KLHL29: variants seen among roughly 807,000 people sequenced by gnomAD.
The protein encoded by KLHL29 is kelch like family member 29.
A neutral mutation model predicts 80.4 loss-of-function variants in KLHL29; 21 were observed. That is an observed-to-expected ratio of 0.26 (90% CI 0.19 to 0.38). KLHL29 has a LOEUF of 0.38. Among genes scored for constraint, KLHL29 ranks in the 10% least tolerant of loss-of-function variants. The pLI is 1.00. For synonymous variants in KLHL29, 511 were observed against 526.8 expected (o/e 0.97, Z 0.41); for missense variants, 867 against 1,223.9 (o/e 0.71, Z 4.35).
intron 2 of KLHL29, among the ~76,000 whole-genome samples, chr2:23,504,586 G>C (rs151300793): frequency 0.014 from 2,115 of 152,352 alleles, 56 homozygotes; most frequent in African/African-American, 0.048. Context: ...CAGGGAAAGA[G>C]GCCCAGCCTT....
Position 23,669,436 on chromosome 2 carries a change from C to G in KLHL29, c.941-14963C>G, listed in dbSNP as rs1248286194. The G allele has an allele frequency of 6.6e-6, 1 of 152,406 alleles. No homozygotes were observed. The allele number at this position is 152,406 out of a possible 1,614,324, so 9.4% of individuals were successfully genotyped here. A position where few individuals can be genotyped will look rare whatever the true frequency, so the allele number is the denominator to read the frequency against. On this transcript the variant is annotated intron_variant, in intron 5 of 13. Coordinates refer to ENST00000486442, the MANE Select transcript of KLHL29 (RefSeq NM_052920.2). This position sits in a 1 kb window ranked among gnomAD's most constrained non-coding sequence, Gnocchi z 4.3. ...CCTCCTCTTCCAGGCTCCCACGCAG[C>G]CTCCGTTTCCCTTCCACACAGTCCT...
chr2:23,577,098 G>A (rs1158441838), intron 3 of KLHL29, among the ~76,000 whole-genome samples: 2 of 152,164 alleles, frequency 1.3e-5, no homozygotes, highest in African/African-American at 2.4e-5. Flanking sequence ...CTTCACAGGC[G>A]GCCCCACTGC....
Position 23,457,196 on chromosome 2 carries a change from G to A in KLHL29, c.-153-18364G>A, listed in dbSNP as rs1476520188. ...TCCGTGCCCTGAGTGAGCGCAGGGT[G>A]CAGAGTAACCCTCACATGCACAGTG... is the stretch of plus-strand genomic sequence containing the variant. On this transcript the variant is annotated intron_variant, in intron 1 of 13. Coordinates refer to ENST00000486442, the MANE Select transcript of KLHL29 (RefSeq NM_052920.2). The surrounding 1 kb of genome is among the most constrained non-coding windows in gnomAD (Gnocchi z 4.3). Among the ~76,000 whole-genome samples the A allele has an allele frequency of 1.3e-5, 2 of 152,214 alleles. No homozygotes were observed. The highest frequency in any genetic ancestry group is 4.8e-5 in the African/African-American group (2 of 41,450).
intron 3 of KLHL29, among the ~76,000 whole-genome samples, chr2:23,563,001 C>A (rs1332849965): frequency 6.6e-6 from 1 of 152,190 alleles, no homozygotes; most frequent in African/African-American, 2.4e-5. Flanking sequence ...TTTTATCATC[C>A]CTGCCTTACA....
chr2:23,533,634 G>A (rs1272186471), intron 2 of KLHL29, among the ~76,000 whole-genome samples: 1 of 152,184 alleles, frequency 6.6e-6, no homozygotes, highest in Non-Finnish European at 1.5e-5. Flanking sequence ...ATGGGGTGCG[G>A]CGTTTGGGCT....
At position 23,492,104 on chromosome 2, in the gene KLHL29, G is replaced by A. The variant is rs61613876; in HGVS notation, c.-46+16437G>A. On this transcript the variant is annotated intron_variant, in intron 2 of 13. Transcript: ENST00000486442. ...GGGAGCTCTAGGATGCAGATCACAC[G>A]TCCAGCCTCCCCAGACCCTGGAGGC... is the stretch of plus-strand genomic sequence containing the variant. Among the ~76,000 whole-genome samples, 996 of 152,218 alleles carry A rather than the reference G, an allele frequency of 6.5e-3. 12 individuals carry two copies. Among genetic ancestry groups the A allele is most frequent in the African/African-American group, 0.023 (949 of 41,516 alleles).
rs556594498 is a variant in KLHL29 at position 23,645,409 on chromosome 2, A to G, written c.940+2559A>G. Among the ~76,000 whole-genome samples, 14 of 152,274 alleles carry G rather than the reference A, an allele frequency of 9.2e-5. No homozygotes were observed. In the East Asian group the frequency reaches 2.7e-3, roughly 29 times the overall value. On this transcript the variant is annotated intron_variant, in intron 5 of 13. Transcript: ENST00000486442. ...TGACAGACAGCTGGCTCCAGGCAGG[A>G]ACAGGAGGCTCTGCGTGATGGCGTC... is the stretch of plus-strand genomic sequence containing the variant.
At chr2:23,575,742 C>T (rs1278238753) in intron 3 of KLHL29, among the ~76,000 whole-genome samples, 1 of 152,134 alleles carries the variant, frequency 6.6e-6, no homozygotes, top group Non-Finnish European at 1.5e-5. Flanking sequence ...TGAGTTTGAT[C>T]CTGAGAAGAA....
chr2:23,531,972 C>T (rs1352072975), intron 2 of KLHL29, among the ~76,000 whole-genome samples: 2 of 152,228 alleles, frequency 1.3e-5, no homozygotes, highest in Non-Finnish European at 2.9e-5. Context: ...CAAGTGCCAC[C>T]TCAGTAAGGG....
intron 1 of KLHL29, among the ~76,000 whole-genome samples, chr2:23,466,576 G>T (rs968466495): frequency 1.3e-5 from 2 of 152,208 alleles, no homozygotes; most frequent in African/African-American, 4.8e-5. Context: ...CCCCTACCGT[G>T]TGTGGGCCCG....
At chr2:23,407,121 T>G (rs1376808661) in intron 1 of KLHL29, among the ~76,000 whole-genome samples, 1 of 152,238 alleles carries the variant, frequency 6.6e-6, no homozygotes, top group African/African-American at 2.4e-5. Flanking sequence ...TAATGTGTCT[T>G]ATTTAACTGT....
At chr2:23,511,267 C>G (rs1309356251) in intron 2 of KLHL29, among the ~76,000 whole-genome samples, 1 of 152,146 alleles carries the variant, frequency 6.6e-6, no homozygotes, top group Non-Finnish European at 1.5e-5. Context: ...CAGTGGTGCC[C>G]CCTGAAGTGC....
chr2:23,519,598 C>T (rs1666034929), intron 2 of KLHL29, among the ~76,000 whole-genome samples: 1 of 152,148 alleles, frequency 6.6e-6, no homozygotes, highest in African/African-American at 2.4e-5. Context: ...TGAGACAGGT[C>T]TCGGTGAATT....
chr2:23,607,254 G>T (rs986655214), intron 3 of KLHL29, among the ~76,000 whole-genome samples: 1 of 152,052 alleles, frequency 6.6e-6, no homozygotes, highest in African/African-American at 2.4e-5. Context: ...AGACCAGGAG[G>T]TGGTGACTCA....
intron 5 of KLHL29, among the ~76,000 whole-genome samples, chr2:23,671,102 G>C (rs975538758): frequency 1.3e-5 from 2 of 150,372 alleles, no homozygotes; most frequent in East Asian, 2.0e-4. Flanking sequence ...TTAGCTCCTG[G>C]CATCTGGGGT....
At chr2:23,697,993 A>T (rs966659347) in intron 11 of KLHL29, 18 of 152,164 alleles carry the variant, frequency 1.2e-4, no homozygotes, top group African/African-American at 4.1e-4. Context: ...GACACTGATT[A>T]CTCATTTTGC....
chr2:23,614,731 G>A (rs1668957442), intron 3 of KLHL29, among the ~76,000 whole-genome samples: 2 of 152,138 alleles, frequency 1.3e-5, no homozygotes, highest in African/African-American at 4.8e-5. Flanking sequence ...TTTGAGCAGA[G>A]ACCCAAGGAG....
chr2:23,677,529 C>T (rs1013325292), intron 5 of KLHL29, among the ~76,000 whole-genome samples: 3 of 152,200 alleles, frequency 2.0e-5, no homozygotes, highest in Non-Finnish European at 2.9e-5. Flanking sequence ...CCACAGGTGC[C>T]GCCCGCAGGT....
chr2:23,414,499 T>A (rs1488592278), intron 1 of KLHL29, among the ~76,000 whole-genome samples: 1 of 152,190 alleles, frequency 6.6e-6, no homozygotes, highest in Non-Finnish European at 1.5e-5. Context: ...GGGTTCAGGC[T>A]GGCTGGGTCC....
Sources: allele counts gnomAD v4.1 joint callset (sites outside exome capture counted in the v4.1 genomes callset), GRCh38; gene constraint gnomAD v4.1.1; non-coding constraint Gnocchi (gnomAD v3.1); transcripts MANE v1.5; gene names NCBI Gene and HGNC (gene_info 2026-07-23, HGNC 2026-07-21).